Variants in ABLIM3 observed in about 807,000 individuals in gnomAD.
ABLIM3 encodes actin binding LIM protein family member 3, also known as actin-binding LIM protein 3.
A neutral mutation model predicts 109.5 loss-of-function variants in ABLIM3; 61 were observed. The observed-to-expected ratio is 0.56, with a 90% CI of 0.45 to 0.69. The LOEUF is 0.69. ABLIM3 is among the 30% of genes least tolerant of loss of function. The probability of loss-of-function intolerance (pLI) is 0.00; values close to 1 mark genes in which losing one functional copy is unlikely to be tolerated. For missense variants in ABLIM3, 796 were observed against 889.5 expected (o/e 0.89, Z 1.34); for synonymous variants, 300 against 324.8 (o/e 0.92, Z 0.82).
intron 2 of ABLIM3, among the ~76,000 whole-genome samples, chr5:149,156,353 T>C (rs1753864183): frequency 6.6e-6 from 1 of 152,210 alleles, no homozygotes; most frequent in Non-Finnish European, 1.5e-5. Flanking sequence ...AAGATGGGGA[T>C]GATAGGTGAA....
chr5:149,228,921 C>T (rs1761572678), intron 8 of ABLIM3, among the ~76,000 whole-genome samples: 1 of 152,190 alleles, frequency 6.6e-6, no homozygotes, highest in South Asian at 2.1e-4. Context: ...GTCTGACCCC[C>T]TCGCTTGACA....
intron 2 of ABLIM3, among the ~76,000 whole-genome samples, chr5:149,162,140 G>C (rs985097879): frequency 2.0e-5 from 3 of 152,204 alleles, no homozygotes; most frequent in African/African-American, 7.2e-5. Context: ...TTATTAAACA[G>C]ATGCCTTCCT....
At chr5:149,211,686 T>C (rs952944982) in intron 7 of ABLIM3, among the ~76,000 whole-genome samples, 1 of 150,900 alleles carries the variant, frequency 6.6e-6, no homozygotes, top group African/African-American at 2.4e-5. Flanking sequence ...TTACCATGAG[T>C]GCTTTGTTGA....
chr5:149,210,891 G>A (rs1285760458), intron 7 of ABLIM3, 72 bp downstream of exon 7: 4 of 1,405,078 alleles, frequency 2.8e-6, no homozygotes, highest in African/African-American at 1.4e-5. Flanking sequence ...CACAGAAGAA[G>A]GAGAAAGTCA....
chr5:149,178,469 A>T (rs1317813764), intron 2 of ABLIM3, among the ~76,000 whole-genome samples: 1 of 152,224 alleles, frequency 6.6e-6, no homozygotes, highest in East Asian at 1.9e-4. Flanking sequence ...AATTATTCAC[A>T]GTTGTTACGC....
intron 8 of ABLIM3, among the ~76,000 whole-genome samples, chr5:149,223,926 G>A (rs1760915032): frequency 6.6e-6 from 1 of 152,194 alleles, no homozygotes; most frequent in Admixed American, 6.5e-5. Context: ...ACTCAGCACA[G>A]GGACTAGCAT....
chr5:149,163,906 G>C (rs551199756), intron 2 of ABLIM3: 2 of 152,204 alleles, frequency 1.3e-5, no homozygotes, highest in East Asian at 3.9e-4. Context: ...TAGGGAAGAT[G>C]GTTTTTCCCC....
rs1754684614 is a variant in ABLIM3, at chr5:149,258,983, A to T, written c.*579A>T. The T allele has an allele frequency of 1.0e-6, 1 of 992,534 alleles. No individual in the cohort carries two copies. Among genetic ancestry groups the T allele is most frequent in the Admixed American group, 5.7e-5 (1 of 17,658 alleles). The allele number at this position is 992,534 out of a possible 1,614,324, so 61.5% of individuals were successfully genotyped here. On this transcript the variant is annotated 3_prime_UTR_variant, in exon 24 of 24. Coordinates refer to ENST00000309868, the MANE Select transcript of ABLIM3 (RefSeq NM_014945.5). Reference sequence around the variant, plus strand: ...TCATTACACCAGTCAACAGAAGTGGACAGGGCCTAGGCCTCTCCTCAGCTC... The same window carrying T: ...TCATTACACCAGTCAACAGAAGTGGTCAGGGCCTAGGCCTCTCCTCAGCTC...
At chr5:149,157,349 G>T (rs914791390) in intron 2 of ABLIM3, among the ~76,000 whole-genome samples, 6 of 152,066 alleles carry the variant, frequency 3.9e-5, no homozygotes, top group Non-Finnish European at 5.9e-5. Flanking sequence ...CTCCCCCTTT[G>T]CTCCCGATTC....
At chr5:149,237,235 T>C (rs76401166) in intron 10 of ABLIM3, among the ~76,000 whole-genome samples, 2,148 of 152,348 alleles carry the variant, frequency 0.014, 22 homozygotes, top group Middle Eastern at 0.027. Flanking sequence ...TTACAAACAA[T>C]ATGTGCTCAA....
chr5:149,247,955 G>A (rs1336382117), intron 18 of ABLIM3, 26 bp downstream of exon 18: 13 of 1,607,830 alleles, frequency 8.1e-6, no homozygotes, highest in East Asian at 4.5e-5. Context: ...GAAGCCCAAC[G>A]GGGCGGGGAC....
intron 6 of ABLIM3, 58 bp from the exon 7 acceptor site, chr5:149,210,668 T>G (rs1237933796): frequency 4.1e-6 from 6 of 1,467,544 alleles, no homozygotes. Context: ...CTAAATGCCA[T>G]GTGCACCCTC....
intron 2 of ABLIM3, among the ~76,000 whole-genome samples, chr5:149,143,278 G>T (rs1752647839): frequency 6.6e-6 from 1 of 151,890 alleles, no homozygotes; most frequent in Admixed American, 6.6e-5. Flanking sequence ...CAGGAGAATT[G>T]CTTGAACCTG....
chr5:149,213,499 T>C (rs1759763383), intron 7 of ABLIM3, among the ~76,000 whole-genome samples: 1 of 152,198 alleles, frequency 6.6e-6, no homozygotes, highest in African/African-American at 2.4e-5. Flanking sequence ...AGAAGAGTCG[T>C]TTGTTGGCTT....
intron 2 of ABLIM3, among the ~76,000 whole-genome samples, chr5:149,177,291 C>A (rs543320869): frequency 6.8e-4 from 103 of 152,324 alleles, no homozygotes; most frequent in African/African-American, 2.5e-3. Context: ...AATGTGGTGA[C>A]ACCTGCATGG....
Position 149,141,635 on chromosome 5 carries a change from C to T in ABLIM3, c.-107C>T. Reference sequence around the variant, plus strand: ...CAGGGGCCGGGGCAGGGGCCTCTGGCTCCCGACACTGGCCGAGAGGTGGGT... The same window carrying T: ...CAGGGGCCGGGGCAGGGGCCTCTGGTTCCCGACACTGGCCGAGAGGTGGGT... On this transcript the variant is annotated 5_prime_UTR_variant, in exon 1 of 24. Transcript: ENST00000309868. The T allele has an allele frequency of 5.9e-6, 1 of 168,514 alleles. No individual in the cohort carries two copies. The highest frequency in any genetic ancestry group is 1.3e-5 in the Non-Finnish European group (1 of 78,694). 10.4% of individuals were successfully genotyped at this position (168,514 alleles called of 1,614,324 possible).
At chr5:149,217,357 G>T (rs1230211758) in intron 8 of ABLIM3, 2 of 420,036 alleles carry the variant, frequency 4.8e-6, no homozygotes, top group Admixed American at 3.6e-5. Context: ...AAGCTGAGCT[G>T]CACAGGCCCA....
At chr5:149,146,207 G>A (rs1752912511) in intron 2 of ABLIM3, among the ~76,000 whole-genome samples, 1 of 152,158 alleles carries the variant, frequency 6.6e-6, no homozygotes, top group Non-Finnish European at 1.5e-5. Context: ...ATAGATTCTG[G>A]ATATTGGTCC....
At chr5:149,178,285 G>A (rs1449203979) in intron 2 of ABLIM3, among the ~76,000 whole-genome samples, 1 of 152,172 alleles carries the variant, frequency 6.6e-6, no homozygotes, top group Non-Finnish European at 1.5e-5. Flanking sequence ...TGAACACTCT[G>A]AGTTTTGGGC....
Sources: allele counts gnomAD v4.1 joint callset (sites outside exome capture counted in the v4.1 genomes callset), GRCh38; gene constraint gnomAD v4.1.1; transcripts MANE v1.5; gene names NCBI Gene and HGNC (gene_info 2026-07-23, HGNC 2026-07-21).